Variants in GPD1L observed in about 807,000 individuals in gnomAD.
The protein encoded by GPD1L is glycerol-3-phosphate dehydrogenase 1-like protein.
In GPD1L, 17 loss-of-function variants were observed where a neutral mutation model predicts 32.9. The observed-to-expected ratio is 0.52, with a 90% confidence interval of 0.35 to 0.78. The LOEUF (loss-of-function observed/expected upper bound fraction) is 0.78. Among genes scored for constraint, GPD1L ranks in the 30% least tolerant of loss-of-function variants. GPD1L has a pLI of 0.01. For missense variants in GPD1L, 361 were observed against 447.8 expected (o/e 0.81, Z 1.75); for synonymous variants, 187 against 165.9 (o/e 1.13, Z -0.98).
At chr3:32,126,571 G>A (rs1700510813) in intron 1 of GPD1L, among the ~76,000 whole-genome samples, 1 of 152,232 alleles carries the variant, frequency 6.6e-6, no homozygotes, top group Non-Finnish European at 1.5e-5. Flanking sequence ...AGGTGGTAGT[G>A]ATGGTGGGAG....
chr3:32,132,429 G>T (rs775003143), intron 2 of GPD1L, among the ~76,000 whole-genome samples: 14 of 152,046 alleles, frequency 9.2e-5, no homozygotes, highest in Non-Finnish European at 1.6e-4. Context: ...TTTAGGGCAA[G>T]ACTTAAAAAA....
chr3:32,153,636 G>T (rs979310275), intron 5 of GPD1L, among the ~76,000 whole-genome samples: 18 of 152,204 alleles, frequency 1.2e-4, no homozygotes, highest in African/African-American at 3.6e-4. Context: ...CCTGCAGACA[G>T]TCTCCTCTTG....
rs564694382 is a variant in GPD1L, at chr3:32,166,876, C to T, written c.*966C>T. 1.8e-4 allele frequency: 28 copies of T among 152,356 alleles called. No homozygotes were observed. Among genetic ancestry groups the T allele is most frequent in the African/African-American group, 6.7e-4 (28 of 41,530 alleles). 9.4% of individuals were successfully genotyped at this position (152,356 alleles called of 1,614,324 possible). On this transcript the variant is annotated 3_prime_UTR_variant, in exon 8 of 8. Coordinates refer to ENST00000282541, the MANE Select transcript of GPD1L (RefSeq NM_015141.4). ...TTGGTTGTGCAAATGCCATGTGCAG[C>T]CTTTCCTGAGGCCATAGGAGGGCTT...
In GPD1L at chr3:32,166,971, A is replaced by C. The variant is rs939893519; in HGVS notation, c.*1061A>C. The C allele has an allele frequency of 6.7e-6, 1 of 148,306 alleles. No individual in the cohort carries two copies. Among genetic ancestry groups the C allele is most frequent in the Admixed American group, 6.7e-5 (1 of 14,956 alleles). The allele number at this position is 148,306 out of a possible 1,614,324, so 9.2% of individuals were successfully genotyped here. ...CTCCAAGGGCGGTCCTCGGTGCAGC[A>C]GCATCAGCTTCACTTGTGGGGGGGT... On this transcript the variant is annotated 3_prime_UTR_variant, in exon 8 of 8. Transcript: ENST00000282541.
chr3:32,114,980 A>G (rs941178436), intron 1 of GPD1L, among the ~76,000 whole-genome samples: 1 of 152,230 alleles, frequency 6.6e-6, no homozygotes. Flanking sequence ...GTACAGACCC[A>G]AAGAGTGAGC....
rs140340847 is a variant in GPD1L, at chr3:32,150,147, T to C, written c.618+3413T>C. 2.2e-3 allele frequency among the ~76,000 whole-genome samples: 334 copies of C among 152,274 alleles called. 2 individuals are homozygous for C. Among genetic ancestry groups the C allele is most frequent in the African/African-American group, 7.6e-3 (315 of 41,556 alleles). ...AGCCTCCAGTTGGGCAGTCAGCTGATCTGCTTTTATATGCCATCGTTTGCA... is the reference window on the plus strand; with the variant it reads ...AGCCTCCAGTTGGGCAGTCAGCTGACCTGCTTTTATATGCCATCGTTTGCA... On this transcript the variant is annotated intron_variant, in intron 5 of 7. Transcript: ENST00000282541.
At chr3:32,139,851 C>T (rs1378537196) in intron 3 of GPD1L, among the ~76,000 whole-genome samples, 1 of 152,142 alleles carries the variant, frequency 6.6e-6, no homozygotes, top group Non-Finnish European at 1.5e-5. Context: ...CTTGAAACCC[C>T]AGGGATAATG....
rs2125479356 is a variant in GPD1L at position 32,129,248 on chromosome 3, CT to C, written c.225+996del. 2.0e-5 allele frequency among the ~76,000 whole-genome samples: 3 copies of C among 152,298 alleles called. No individual in the cohort carries two copies. The South Asian group carries it at 6.2e-4, about 32-fold the overall frequency. ...AAATACCCTTTACTGCATATATTCA[CT>C]CACCAAACCTTATGAGCATGCACTG... is the stretch of plus-strand genomic sequence containing the variant. On this transcript the variant is annotated intron_variant, in intron 2 of 7. Transcript: ENST00000282541.
At chr3:32,140,961 A>C (rs935317333) in intron 4 of GPD1L, among the ~76,000 whole-genome samples, 1 of 152,194 alleles carries the variant, frequency 6.6e-6, no homozygotes, top group African/African-American at 2.4e-5. Context: ...ACGTTATGAA[A>C]ATTTTCATTT....
Position 32,166,802 on chromosome 3 carries a change from G to A in GPD1L, c.*892G>A, listed in dbSNP as rs1024956247. On this transcript the variant is annotated 3_prime_UTR_variant, in exon 8 of 8. Transcript: ENST00000282541. The stretch of plus-strand genomic sequence containing the variant: ...AGCCAGGAGTCAAGTGCAGTGCCAA[G>A]GTGCATGACCCTCTGAGAAGTCACT... 1 of 152,350 alleles carries A rather than the reference G, an allele frequency of 6.6e-6. No individual in the cohort carries two copies. The highest frequency in any genetic ancestry group is 2.4e-5 in the African/African-American group (1 of 41,426). The allele number at this position is 152,350 out of a possible 1,614,324, so 9.4% of individuals were successfully genotyped here. A position where few individuals can be genotyped will look rare whatever the true frequency, so the allele number is the denominator to read the frequency against.
chr3:32,126,079 C>A (rs1700503541), intron 1 of GPD1L, among the ~76,000 whole-genome samples: 1 of 152,164 alleles, frequency 6.6e-6, no homozygotes, highest in Admixed American at 6.5e-5. Flanking sequence ...CCTGTAGTCC[C>A]AGCCACTCAG....
chr3:32,132,122 A>G (rs531086139), intron 2 of GPD1L, among the ~76,000 whole-genome samples: 116 of 152,324 alleles, frequency 7.6e-4, no homozygotes, highest in African/African-American at 2.6e-3. Flanking sequence ...CTTTCTCCAC[A>G]AGTATTTTCT....
chr3:32,140,407 T>G, intron 4 of GPD1L, 41 bp downstream of exon 4: 1 of 1,607,580 alleles, frequency 6.2e-7, no homozygotes, highest in Non-Finnish European at 8.5e-7. Flanking sequence ...TCTGGACATT[T>G]GATGTTTGAA....
Position 32,165,976 on chromosome 3 carries a change from A to C in GPD1L, c.*66A>C. On this transcript the variant is annotated 3_prime_UTR_variant, in exon 8 of 8. Transcript: ENST00000282541. ...GATCAATCTTTTGGGTTCACGTGGA[A>C]ACCAGGACTTGGCAACATGATGTTT... 1 of 874,138 alleles carries C rather than the reference A, an allele frequency of 1.1e-6. No homozygotes were observed. Among genetic ancestry groups the C allele is most frequent in the Non-Finnish European group, 2.0e-6 (1 of 506,380 alleles). 54.1% of individuals were successfully genotyped at this position (874,138 alleles called of 1,614,324 possible). A position where few individuals can be genotyped will look rare whatever the true frequency, so the allele number is the denominator to read the frequency against.
intron 2 of GPD1L, among the ~76,000 whole-genome samples, chr3:32,135,802 G>C (rs538812814): frequency 1.9e-4 from 29 of 152,146 alleles, no homozygotes; most frequent in Non-Finnish European, 4.1e-4. Context: ...TTTGTTGGAG[G>C]GGGTGGAGTC....
intron 5 of GPD1L, among the ~76,000 whole-genome samples, chr3:32,147,990 T>C (rs568809611): frequency 6.6e-6 from 1 of 152,374 alleles, no homozygotes; most frequent in East Asian, 1.9e-4. Flanking sequence ...TGGGGCATTC[T>C]TTGCATTAGC....
rs9839305 is a variant in GPD1L, at chr3:32,167,383, T to A, written c.*1473T>A. The A allele has an allele frequency of 5.0e-3, 769 of 152,424 alleles. 5 individuals carry two copies. The highest frequency in any genetic ancestry group is 6.9e-3 in the Non-Finnish European group (466 of 67,972). The allele number at this position is 152,424 out of a possible 1,614,324, so 9.4% of individuals were successfully genotyped here. Reference sequence around the variant, plus strand: ...AACACTGTTCTAGGCTTAGGTGACCTTAGGATCACTCAAGTAGACCCTTCA... The same window carrying A: ...AACACTGTTCTAGGCTTAGGTGACCATAGGATCACTCAAGTAGACCCTTCA... On this transcript the variant is annotated 3_prime_UTR_variant, in exon 8 of 8. Coordinates refer to ENST00000282541, the MANE Select transcript of GPD1L (RefSeq NM_015141.4).
At chr3:32,120,374 A>G (rs1700393627) in intron 1 of GPD1L, among the ~76,000 whole-genome samples, 1 of 152,214 alleles carries the variant, frequency 6.6e-6, no homozygotes, top group South Asian at 2.1e-4. Context: ...CAGAAAGAAC[A>G]GATTCCAAGA....
chr3:32,158,931 C>T lies in GPD1L; in HGVS notation c.674C>T (p.Thr225Ile). ...GACGGCCTCCGCTGTGGAGACAACACCAAAGCGGCCGTCATCCGCCTGGGA... is the reference window on the plus strand; with the variant it reads ...GACGGCCTCCGCTGTGGAGACAACATCAAAGCGGCCGTCATCCGCCTGGGA... The part of the protein sequence containing the change: ...FCDGLRCGDN[T>I]KAAVIRLGLM... The change falls in exon 6 of 8, where the codon ACC (threonine) becomes ATC (isoleucine). Residue 225 changes from threonine (T) to isoleucine (I), a missense_variant. Coordinates refer to ENST00000282541, the MANE Select transcript of GPD1L (RefSeq NM_015141.4). The T allele has an allele frequency of 1.2e-6, 2 of 1,614,146 alleles. No individual in the cohort carries two copies. The highest frequency in any genetic ancestry group is 1.1e-5 in the South Asian group (1 of 91,088).
Sources: gnomAD v4.1 joint callset for allele counts (sites outside exome capture counted in the v4.1 genomes callset) on GRCh38, gnomAD v4.1.1 for gene constraint, MANE v1.5 for transcripts, NCBI Gene and HGNC (gene_info 2026-07-23, HGNC 2026-07-21) for gene names.